AUTS2: variants seen among roughly 807,000 people sequenced by gnomAD.
AUTS2 encodes activator of transcription and developmental regulator AUTS2.
AUTS2 carries 17 observed loss-of-function variants against 112.4 expected under a neutral mutation model. The observed-to-expected ratio is 0.15, with a 90% confidence interval of 0.10 to 0.23. The LOEUF is 0.23. AUTS2 is among the 10% of genes least tolerant of loss of function. The pLI, the probability that AUTS2 is intolerant of heterozygous loss-of-function variation, is 1.00. For missense variants in AUTS2, 1,510 were observed against 1,701.6 expected, an observed-to-expected ratio of 0.89 and a Z score of 1.98; for synonymous variants, 751 against 702.7, an observed-to-expected ratio of 1.07 and a Z score of -1.09.
intron 1 of AUTS2, among the ~76,000 whole-genome samples, chr7:69,694,816 C>G (rs1038731701): frequency 6.6e-6 from 1 of 152,142 alleles, no homozygotes; most frequent in Non-Finnish European, 1.5e-5. Context: ...TATAGTTTGA[C>G]TGTAGGTATG....
rs1009903657 is a variant in AUTS2, at chr7:69,612,600, C to T, written c.309+12638C>T. Among the ~76,000 whole-genome samples the T allele has an allele frequency of 2.6e-5, 4 of 152,078 alleles. No homozygotes were observed. In the South Asian group the frequency reaches 8.3e-4, roughly 32 times the overall value. On this transcript the variant is annotated intron_variant, in intron 1 of 18. Transcript: ENST00000342771. ...TCAGCCTCCTGAGTAGCTGGGACCACAGGCGCGTCTCACCACGCCTGGCTA... is the reference window on the plus strand; with the variant it reads ...TCAGCCTCCTGAGTAGCTGGGACCATAGGCGCGTCTCACCACGCCTGGCTA...
At chr7:70,658,460 C>A (rs1027956966) in intron 5 of AUTS2, among the ~76,000 whole-genome samples, 1 of 152,210 alleles carries the variant, frequency 6.6e-6, no homozygotes, top group Admixed American at 6.5e-5. Flanking sequence ...TGAATCCAGC[C>A]CCTCACGGGG....
At chr7:69,732,235 C>G (rs1257628659) in intron 1 of AUTS2, among the ~76,000 whole-genome samples, 1 of 152,152 alleles carries the variant, frequency 6.6e-6, no homozygotes, top group African/African-American at 2.4e-5. Context: ...CTCCCTCCCT[C>G]CCCTTTGGTA....
chr7:70,125,654 A>T (rs776361083), intron 3 of AUTS2, among the ~76,000 whole-genome samples: 2 of 151,674 alleles, frequency 1.3e-5, no homozygotes, highest in Non-Finnish European at 2.9e-5. Context: ...CTTATTCTCA[A>T]CTGTGTCTTC....
chr7:69,888,793 C>T (rs1487650658), intron 1 of AUTS2, among the ~76,000 whole-genome samples: 3 of 151,728 alleles, frequency 2.0e-5, no homozygotes, highest in African/African-American at 7.3e-5. Flanking sequence ...AGGCTGGTCT[C>T]GAACTCCTGA....
chr7:69,983,710 A>C (rs1798390490), intron 2 of AUTS2, among the ~76,000 whole-genome samples: 1 of 152,218 alleles, frequency 6.6e-6, no homozygotes, highest in African/African-American at 2.4e-5. Context: ...TGTTGGACAA[A>C]ATCAATGTTA....
intron 6 of AUTS2, among the ~76,000 whole-genome samples, chr7:70,714,804 A>C (rs1436447374): frequency 6.6e-6 from 1 of 152,244 alleles, no homozygotes; most frequent in Non-Finnish European, 1.5e-5. Context: ...TCCTGGCAAG[A>C]AAACTTCATA....
intron 4 of AUTS2, among the ~76,000 whole-genome samples, chr7:70,264,271 G>A (rs923358755): frequency 6.6e-6 from 1 of 152,112 alleles, no homozygotes; most frequent in Non-Finnish European, 1.5e-5. Context: ...ACAGTGGCAC[G>A]ATCTTGGCTC....
intron 4 of AUTS2, among the ~76,000 whole-genome samples, chr7:70,240,044 T>TA (rs2129599817): frequency 6.6e-6 from 1 of 152,214 alleles, no homozygotes; most frequent in South Asian, 2.1e-4. Context: ...AAGGAGGAGA[T>TA]ATGACTGGGG....
intron 2 of AUTS2, among the ~76,000 whole-genome samples, chr7:69,943,169 A>G (rs1260976763): frequency 2.0e-5 from 3 of 152,240 alleles, no homozygotes; most frequent in Admixed American, 6.5e-5. Flanking sequence ...AGATTAAGAT[A>G]TAAGGATGTT....
intron 1 of AUTS2, among the ~76,000 whole-genome samples, chr7:69,867,062 G>A (rs1356648526): frequency 6.6e-6 from 1 of 152,214 alleles, no homozygotes; most frequent in African/African-American, 2.4e-5. Flanking sequence ...AGGATTGTTA[G>A]GGTGATGTGG....
intron 4 of AUTS2, among the ~76,000 whole-genome samples, chr7:70,407,501 C>T (rs80354619): frequency 0.078 from 11,817 of 152,220 alleles, 647 homozygotes; most frequent in Non-Finnish European, 0.12. Context: ...CAAGTAAAAG[C>T]CATGTGCCTT....
intron 5 of AUTS2, among the ~76,000 whole-genome samples, chr7:70,539,715 G>T (rs1003452078): frequency 1.3e-5 from 2 of 152,004 alleles, no homozygotes; most frequent in African/African-American, 4.8e-5. Context: ...ACTGCGAATC[G>T]CGAGGCTCCA....
chr7:69,842,942 A>G (rs1356647505), intron 1 of AUTS2, among the ~76,000 whole-genome samples: 2 of 152,108 alleles, frequency 1.3e-5, no homozygotes, highest in African/African-American at 2.4e-5. Context: ...CATAATGGCT[A>G]GGGTTTACTC....
rs547599037 is a variant in AUTS2 at position 69,704,281 on chromosome 7, AT to A, written c.309+104333del. Among the ~76,000 whole-genome samples, 1,297 of 145,218 alleles carry A rather than the reference AT, an allele frequency of 8.9e-3. 7 individuals carry two copies. Among genetic ancestry groups the A allele is most frequent in the East Asian group, 0.014 (69 of 5,018 alleles). On this transcript the variant is annotated intron_variant, in intron 1 of 18. Transcript: ENST00000342771. ...CTCTACAGTCTGGCTCTAAAATACA[AT>A]TTTTTTTTTTTTTGAGACGGAGTCT... is the stretch of plus-strand genomic sequence containing the variant.
intron 2 of AUTS2, among the ~76,000 whole-genome samples, chr7:69,936,952 G>A (rs765109513): frequency 6.7e-6 from 1 of 149,226 alleles, no homozygotes. Flanking sequence ...TCCTTTCCCC[G>A]CTCCCTGTTC....
At chr7:69,731,469 A>C (rs1786790357) in intron 1 of AUTS2, among the ~76,000 whole-genome samples, 1 of 152,174 alleles carries the variant, frequency 6.6e-6, no homozygotes, top group African/African-American at 2.4e-5. Context: ...AAGAAAATGT[A>C]TGTGAAATAT....
chr7:69,989,991 C>T (rs895760692), intron 2 of AUTS2, among the ~76,000 whole-genome samples: 3 of 152,160 alleles, frequency 2.0e-5, no homozygotes, highest in African/African-American at 7.2e-5. Flanking sequence ...CCCTCCCATC[C>T]CCAGGTCTGT....
At chr7:69,997,018 G>C (rs1798978435) in intron 2 of AUTS2, among the ~76,000 whole-genome samples, 1 of 149,108 alleles carries the variant, frequency 6.7e-6, no homozygotes. Context: ...TTCAGGGTTG[G>C]CCCTGGGCAT....
Sources: gnomAD v4.1 joint callset for allele counts (sites outside exome capture counted in the v4.1 genomes callset) on GRCh38, gnomAD v4.1.1 for gene constraint, MANE v1.5 for transcripts, NCBI Gene and HGNC (gene_info 2026-07-23, HGNC 2026-07-21) for gene names.